Variants in GLYATL1 observed in about 807,000 individuals in gnomAD.
GLYATL1 encodes the protein glycine N-acyltransferase-like protein 1.
A neutral mutation model predicts 20.0 loss-of-function variants in GLYATL1; 15 were observed. That is an observed-to-expected ratio of 0.75 (90% CI 0.50 to 1.15). The LOEUF (loss-of-function observed/expected upper bound fraction) is 1.15. GLYATL1 is among the 50% of genes most tolerant of loss of function. The pLI, the probability that GLYATL1 is intolerant of heterozygous loss-of-function variation, is 0.00. For missense variants in GLYATL1, 380 were observed against 368.5 expected (o/e 1.03, Z -0.26); for synonymous variants, 151 against 131.5 (o/e 1.15, Z -1.01).
intron 1 of GLYATL1, among the ~76,000 whole-genome samples, chr11:58,921,908 C>A (rs1855317892): frequency 6.6e-6 from 1 of 152,202 alleles, no homozygotes. Context: ...TGATTTTCAG[C>A]AGCCTCAGGG....
At chr11:58,947,497 G>T in intron 3 of GLYATL1, 1 of 454,924 alleles carries the variant, frequency 2.2e-6, no homozygotes, top group South Asian at 3.3e-5. Flanking sequence ...CCCTTTCTCT[G>T]ACTTTACGTT....
intron 6 of GLYATL1, 70 bp downstream of exon 6, chr11:58,955,423 T>C: frequency 6.8e-7 from 1 of 1,467,220 alleles, no homozygotes; most frequent in Non-Finnish European, 9.3e-7. Flanking sequence ...CATAAATCAG[T>C]TTTGGAATGA....
intron 1 of GLYATL1, chr11:58,928,528 T>C (rs1340957872): frequency 2.0e-5 from 3 of 152,216 alleles, no homozygotes; most frequent in African/African-American, 4.8e-5. Context: ...GGGGCACCAA[T>C]TGAGGTATTG....
Position 58,943,595 on chromosome 11 carries a change from G to C in GLYATL1, c.-114G>C. The C allele has an allele frequency of 6.2e-7, 1 of 1,613,564 alleles. No individual in the cohort carries two copies. The highest frequency in any genetic ancestry group is 1.1e-5 in the South Asian group (1 of 91,048). ...GAGCTTCTAGTATCCCCAGGAGCGC[G>C]AAGTGAACACGGAAGGTACCTGCAG... On this transcript the variant is annotated 5_prime_UTR_variant, in exon 2 of 7. Transcript: ENST00000532726.
chr11:58,938,461 C>G (rs1181365657), upstream of GLYATL1, among the ~76,000 whole-genome samples: 6 of 152,156 alleles, frequency 3.9e-5, no homozygotes, highest in African/African-American at 1.4e-4. Context: ...ACCTGTGAAA[C>G]CAGAATTCAT....
At chr11:58,930,041 T>G (rs771782377) in intron 1 of GLYATL1, among the ~76,000 whole-genome samples, 15 of 152,160 alleles carry the variant, frequency 9.9e-5, no homozygotes, top group Non-Finnish European at 2.1e-4. Flanking sequence ...CAGGCAGGAG[T>G]GCAAATTAGT....
Position 58,956,257 on chromosome 11 carries a change from G to A in GLYATL1, c.*230G>A. The A allele has an allele frequency of 2.0e-6, 1 of 498,126 alleles. No homozygotes were observed. Among genetic ancestry groups the A allele is most frequent in the Non-Finnish European group, 3.5e-6 (1 of 282,582 alleles). 30.9% of individuals were successfully genotyped at this position (498,126 alleles called of 1,614,324 possible). A position where few individuals can be genotyped will look rare whatever the true frequency, so the allele number is the denominator to read the frequency against. The stretch of plus-strand genomic sequence containing the variant: ...CTTTAAATATGCTTAAGTGTTATAG[G>A]GAAAGACGGGGTTACCAGTAAACAT... On this transcript the variant is annotated 3_prime_UTR_variant, in exon 7 of 7. Coordinates refer to ENST00000532726, the MANE Select transcript of GLYATL1 (RefSeq NM_001389712.2).
chr11:58,946,231 A>T (rs570856444), intron 2 of GLYATL1, among the ~76,000 whole-genome samples: 12 of 152,234 alleles, frequency 7.9e-5, no homozygotes, highest in Non-Finnish European at 1.6e-4. Flanking sequence ...TCCAGGCATA[A>T]TGCTATGCAT....
At chr11:58,920,651 A>G (rs1392874539) in intron 1 of GLYATL1, among the ~76,000 whole-genome samples, 2 of 152,214 alleles carry the variant, frequency 1.3e-5, no homozygotes, top group Admixed American at 6.5e-5. Context: ...ATGGAGAGAA[A>G]GGTAGCCAGG....
At chr11:58,908,338 T>C (rs1252726686) in exon 2 of GLYATL1, 3 of 152,656 alleles carry the variant, frequency 2.0e-5, no homozygotes, top group Non-Finnish European at 2.9e-5. Context: ...GTCCAGTGTT[T>C]GAAAGTGGTT....
At chr11:58,916,471 A>G (rs144399010) in intron 1 of GLYATL1, among the ~76,000 whole-genome samples, 2 of 152,348 alleles carry the variant, frequency 1.3e-5, no homozygotes, top group Non-Finnish European at 2.9e-5. Flanking sequence ...GAGATGTTAA[A>G]CAAGTAGCCC....
upstream of GLYATL1, chr11:58,935,300 T>C (rs1317315811): frequency 1.3e-5 from 2 of 152,320 alleles, no homozygotes; most frequent in East Asian, 3.9e-4. Flanking sequence ...ATTACTGGAT[T>C]TTACTGAAGC....
chr11:58,948,937 C>T (rs1400227130), intron 4 of GLYATL1, among the ~76,000 whole-genome samples: 2 of 152,182 alleles, frequency 1.3e-5, no homozygotes, highest in Non-Finnish European at 1.5e-5. Flanking sequence ...CTGTGAGTTT[C>T]ATCATCCGTT....
At chr11:58,916,662 A>T (rs2135105421) in intron 1 of GLYATL1, among the ~76,000 whole-genome samples, 1 of 152,286 alleles carries the variant, frequency 6.6e-6, no homozygotes. Flanking sequence ...CCTTCCTCTG[A>T]GGTTTGGAAG....
At chr11:58,906,128 T>C (rs1447168433) in intron 1 of GLYATL1, among the ~76,000 whole-genome samples, 1 of 152,182 alleles carries the variant, frequency 6.6e-6, no homozygotes, top group Non-Finnish European at 1.5e-5. Context: ...GTTTTTCTGG[T>C]TCTGGGTCGG....
chr11:58,933,759 A>T (rs1855702131), intron 1 of GLYATL1: 1 of 152,206 alleles, frequency 6.6e-6, no homozygotes, highest in East Asian at 1.9e-4. Context: ...CTTTATCTGG[A>T]AAAACCCTTT....
intron 1 of GLYATL1, 110 bp from the exon 2 acceptor site, chr11:58,943,433 G>A (rs887609889): frequency 9.2e-6 from 14 of 1,527,836 alleles, no homozygotes; most frequent in African/African-American, 8.3e-5. Context: ...AGGCACCCCC[G>A]GAGCCTCGGT....
At chr11:58,945,897 C>T (rs572565338) in intron 2 of GLYATL1, among the ~76,000 whole-genome samples, 1 of 152,282 alleles carries the variant, frequency 6.6e-6, no homozygotes, top group South Asian at 2.1e-4. Context: ...CATCTAGCTA[C>T]AGAACATAGT....
At position 58,943,336 on chromosome 11, in the gene GLYATL1, T is replaced by A. The variant is rs1856309610; in HGVS notation, c.-166-207T>A. 5.2e-6 allele frequency: 8 copies of A among 1,550,620 alleles called. No individual in the cohort carries two copies. In the Admixed American group the frequency reaches 9.8e-5, roughly 19 times the overall value. On this transcript the variant is annotated intron_variant, in intron 1 of 6. Coordinates refer to ENST00000532726, the MANE Select transcript of GLYATL1 (RefSeq NM_001389712.2). ...TGTTCAAATAAGGCAAGCGCCCAGTTGTAACCAATCTCTTTGTTTCTGTAC... is the reference window on the plus strand; with the variant it reads ...TGTTCAAATAAGGCAAGCGCCCAGTAGTAACCAATCTCTTTGTTTCTGTAC...
Sources: allele counts gnomAD v4.1 joint callset (sites outside exome capture counted in the v4.1 genomes callset), GRCh38; gene constraint gnomAD v4.1.1; transcripts MANE v1.5; gene names NCBI Gene and HGNC (gene_info 2026-07-23, HGNC 2026-07-21).